HNRNPA1L3: variants seen among roughly 807,000 people sequenced by gnomAD.
The protein encoded by HNRNPA1L3 is heterogeneous nuclear ribonucleoprotein A1-like 3.
the HNRNPA1L3 span, chr16:51,645,894 C>T: frequency 8.1e-6 from 13 of 1,607,300 alleles, no homozygotes; most frequent in Non-Finnish European, 1.1e-5. Context: ...TTTGAAACAA[C>T]TGATGAGAGC....
the HNRNPA1L3 span, chr16:51,646,608 G>A: frequency 3.7e-5 from 59 of 1,593,364 alleles, no homozygotes; most frequent in Non-Finnish European, 4.5e-5. Flanking sequence ...AATGATTTTG[G>A]CAATTACAAC....
the HNRNPA1L3 span, chr16:51,646,109 C>A: frequency 6.3e-7 from 1 of 1,596,016 alleles, no homozygotes; most frequent in East Asian, 2.2e-5. Context: ...TTCTCAAAGA[C>A]CAGATGCCCA....
At chr16:51,646,196 C>T in the HNRNPA1L3 span, 19 of 1,593,232 alleles carry the variant, frequency 1.2e-5, no homozygotes, top group Non-Finnish European at 1.4e-5. Flanking sequence ...TTATTTTGAA[C>T]AGTATGGAAA....
the HNRNPA1L3 span, chr16:51,646,641 C>A: frequency 6.3e-7 from 1 of 1,597,516 alleles, no homozygotes; most frequent in African/African-American, 1.3e-5. Flanking sequence ...AATTTTGGAC[C>A]CATGAAGGGA....
the HNRNPA1L3 span, chr16:51,646,279 C>T: frequency 5.4e-5 from 86 of 1,595,730 alleles, 3 homozygotes; most frequent in South Asian, 5.3e-4. Context: ...TAACCTTTGA[C>T]GACCATGACT....
chr16:51,646,687 C>T, the HNRNPA1L3 span: 36 of 1,598,468 alleles, frequency 2.3e-5, no homozygotes, highest in African/African-American at 5.3e-5. Context: ...GCCCCCATGG[C>T]GGTGGAGGCC....
the HNRNPA1L3 span, chr16:51,646,071 A>C: frequency 4.4e-6 from 7 of 1,593,640 alleles, no homozygotes; most frequent in South Asian, 7.7e-5. Flanking sequence ...AGAGTTGTGG[A>C]ACCAAAGAGA....
chr16:51,646,711 A>G, the HNRNPA1L3 span: 6 of 1,598,620 alleles, frequency 3.8e-6, no homozygotes, highest in South Asian at 3.3e-5. Flanking sequence ...ACTTTGCAAA[A>G]CCACGAAACC....
the HNRNPA1L3 span, chr16:51,646,470 G>C: frequency 2.5e-6 from 4 of 1,597,410 alleles, no homozygotes; most frequent in South Asian, 1.1e-5. Context: ...AACTTCGGTC[G>C]TGGAGGAAAC....
chr16:51,646,469 C>T, the HNRNPA1L3 span: 125 of 1,596,952 alleles, frequency 7.8e-5, no homozygotes, highest in East Asian at 1.3e-3. Context: ...CAACTTCGGT[C>T]GTGGAGGAAA....
chr16:51,646,394 CAA>C, the HNRNPA1L3 span: 1 of 1,532,018 alleles, frequency 6.5e-7, no homozygotes, highest in Non-Finnish European at 8.9e-7. Flanking sequence ...TTCATCCAGC[CAA>C]AGAGGTCGAA....
the HNRNPA1L3 span, chr16:51,646,447 C>T: frequency 2.9e-5 from 46 of 1,591,280 alleles, no homozygotes; most frequent in African/African-American, 8.0e-5. Flanking sequence ...GAGGTGGTTT[C>T]GGTGGGAATG....
the HNRNPA1L3 span, chr16:51,646,891 C>T: frequency 2.4e-6 from 2 of 831,966 alleles, no homozygotes; most frequent in Admixed American, 4.0e-5. Context: ...GGCCTAGCTG[C>T]TACAAAGAAG....
At chr16:51,645,968 A>G in the HNRNPA1L3 span, 3 of 1,605,218 alleles carry the variant, frequency 1.9e-6, no homozygotes, top group South Asian at 1.1e-5. Context: ...AGATCCAAAC[A>G]CGAAGCGCTC....
chr16:51,645,829 AGAG>A, the HNRNPA1L3 span: 1 of 1,606,246 alleles, frequency 6.2e-7, no homozygotes, highest in South Asian at 1.1e-5. Context: ...TGTCTAAGTC[AGAG>A]TCTCCTAAAG....
the HNRNPA1L3 span, chr16:51,646,175 C>G: frequency 5.0e-6 from 8 of 1,585,392 alleles, no homozygotes; most frequent in Non-Finnish European, 6.8e-6. Context: ...TGAAGAACAT[C>G]ACCTAAGAGA....
At chr16:51,646,631 A>G in the HNRNPA1L3 span, 4 of 1,596,928 alleles carry the variant, frequency 2.5e-6, no homozygotes, top group African/African-American at 5.3e-5. Context: ...TCAGTCTTCA[A>G]ATTTTGGACC....
At chr16:51,645,983 G>A in the HNRNPA1L3 span, 2 of 1,602,202 alleles carry the variant, frequency 1.2e-6, no homozygotes, top group Non-Finnish European at 1.7e-6. Context: ...GCGCTCCAGG[G>A]GCTTTGGGTT....
chr16:51,646,157 G>T, the HNRNPA1L3 span: 2 of 1,590,034 alleles, frequency 1.3e-6, no homozygotes, highest in African/African-American at 1.3e-5. Flanking sequence ...TGGCATTAAA[G>T]AAGACACTGA....
Sources: allele counts gnomAD v4.1 joint callset, GRCh38; gene constraint gnomAD v4.1.1; transcripts MANE v1.5; gene names NCBI Gene and HGNC (gene_info 2026-07-23, HGNC 2026-07-21).